TBCD: variants seen among roughly 807,000 people sequenced by gnomAD.
The protein encoded by TBCD is tubulin folding cofactor D, also known as tubulin-specific chaperone D.
A neutral mutation model predicts 169.3 loss-of-function variants in TBCD; 105 were observed. That is an observed-to-expected ratio of 0.62 (90% confidence interval 0.53 to 0.73). The LOEUF is 0.73. Ranked by LOEUF, TBCD falls within the 30% of genes least tolerant of loss-of-function variation. TBCD has a pLI of 0.00. For synonymous variants in TBCD, 700 were observed against 643.9 expected, an observed-to-expected ratio of 1.09 and a Z score of -1.32; for missense variants, 1,444 against 1,600.1, an observed-to-expected ratio of 0.90 and a Z score of 1.66.
rs2049573592 is a variant in TBCD, at chr17:82,789,829, C to T, written c.772-7928C>T. Among the ~76,000 whole-genome samples the T allele has an allele frequency of 6.6e-6, 1 of 152,220 alleles. No individual in the cohort carries two copies. Among genetic ancestry groups the T allele is most frequent in the Non-Finnish European group, 1.5e-5 (1 of 68,040 alleles). On this transcript the variant is annotated intron_variant, in intron 7 of 38. Transcript: ENST00000355528. The surrounding 1 kb of genome is among the most constrained non-coding windows in gnomAD (Gnocchi z 4.8). ...GTGTGACACTTCAGAACCCGCAAGT[C>T]CCAGGTCACACCTGTTGTACCATCA...
At chr17:82,762,327 A>AG (rs1379459780) in intron 2 of TBCD, among the ~76,000 whole-genome samples, 1 of 151,478 alleles carries the variant, frequency 6.6e-6, no homozygotes, top group Non-Finnish European at 1.5e-5. Flanking sequence ...AAAAAAAAAA[A>AG]AAAAAAAGTA....
At chr17:82,850,590 C>T (rs1185280591) in intron 13 of TBCD, among the ~76,000 whole-genome samples, 1 of 149,286 alleles carries the variant, frequency 6.7e-6, no homozygotes, top group East Asian at 2.0e-4. Context: ...GTTGGCTGTC[C>T]TGTTGTTGGC....
chr17:82,829,056 C>T (rs567579481), intron 13 of TBCD, among the ~76,000 whole-genome samples: 98 of 148,244 alleles, frequency 6.6e-4, no homozygotes, highest in South Asian at 1.5e-3. Context: ...ATCGAATGCG[C>T]ACACACCCAC....
intron 13 of TBCD, among the ~76,000 whole-genome samples, chr17:82,862,823 C>T (rs772437807): frequency 1.2e-4 from 18 of 152,186 alleles, no homozygotes; most frequent in East Asian, 3.9e-4. Flanking sequence ...GAAGTCCAGG[C>T]GGCCACCCCA....
chr17:82,874,935 GATCAGAGC>G lies in TBCD; in HGVS notation c.1475+4563_1475+4570del, dbSNP rs2057862347. 6.6e-6 allele frequency among the ~76,000 whole-genome samples: 1 copy of G among 152,200 alleles called. No homozygotes were observed. The highest frequency in any genetic ancestry group is 2.4e-5 in the African/African-American group (1 of 41,442). ...GGGTCCTGTAACAGTGGGTGCTTGG[GATCAGAGC>G]ATCAGAGTGGAATTTTCGCAGGGAA... On this transcript the variant is annotated intron_variant, in intron 14 of 38. Transcript: ENST00000355528. This position sits in a 1 kb window ranked among gnomAD's most constrained non-coding sequence, Gnocchi z 5.0.
chr17:82,763,742 A>G (rs939922130), intron 2 of TBCD, among the ~76,000 whole-genome samples: 6 of 151,832 alleles, frequency 4.0e-5, no homozygotes, highest in African/African-American at 1.5e-4. Context: ...CTCTGTCTCA[A>G]AAAAAAAGAA....
At chr17:82,872,159 C>T (rs1223052509) in intron 14 of TBCD, among the ~76,000 whole-genome samples, 1 of 152,240 alleles carries the variant, frequency 6.6e-6, no homozygotes, top group African/African-American at 2.4e-5. Context: ...GCCGAGGGTC[C>T]TCCTCCTATC....
rs1464757430 is a variant in TBCD, at chr17:82,937,429, G to A, written c.3281+69G>A. 8 of 1,393,534 alleles carry A rather than the reference G, an allele frequency of 5.7e-6. No individual in the cohort carries two copies. In the African/African-American group the frequency reaches 7.1e-5, roughly 12 times the overall value. The allele number at this position is 1,393,534 out of a possible 1,614,324, so 86.3% of individuals were successfully genotyped here. On this transcript the variant is annotated intron_variant, in intron 35 of 38. Coordinates refer to ENST00000355528, the MANE Select transcript of TBCD (RefSeq NM_005993.5). ...CAGCCTCCCTTGGCTGAGGGCAGGA[G>A]TCCACGGCTCCAGGCGGGAGAGGAG...
chr17:82,912,145 C>T (rs929872566), intron 23 of TBCD, among the ~76,000 whole-genome samples: 1 of 151,606 alleles, frequency 6.6e-6, no homozygotes, highest in African/African-American at 2.4e-5. Context: ...ACGGCCCCAG[C>T]GTGGACAGAG....
At chr17:82,793,767 T>A (rs544845978) in intron 7 of TBCD, among the ~76,000 whole-genome samples, 4 of 151,826 alleles carry the variant, frequency 2.6e-5, no homozygotes, top group Admixed American at 6.6e-5. Flanking sequence ...TGCCCAAGAG[T>A]GGCTTTGAAC....
chr17:82,900,842 A>G (rs564816292), intron 18 of TBCD, 111 bp downstream of exon 18: 1 of 801,706 alleles, frequency 1.2e-6, no homozygotes, highest in East Asian at 2.6e-5. Context: ...TCGTATTTTA[A>G]AATAACTTCT....
chr17:82,936,914 G>GTTCTGGGCTCTGCAGCAGCCCA (rs1219834399), intron 34 of TBCD, among the ~76,000 whole-genome samples: 5 of 152,252 alleles, frequency 3.3e-5, no homozygotes, highest in Admixed American at 2.6e-4. Context: ...CCCAGGCCAG[G>GTTCTGGGCTCTGCAGCAGCCCA]TAGCCTCTGG....
At chr17:82,934,039 C>T (rs1308510321) in intron 34 of TBCD, among the ~76,000 whole-genome samples, 1 of 152,260 alleles carries the variant, frequency 6.6e-6, no homozygotes, top group Non-Finnish European at 1.5e-5. Context: ...GCCGGGGCTT[C>T]TGGCCATCTT....
Position 82,921,572 on chromosome 17 carries a change from A to T in TBCD, c.2173A>T (p.Met725Leu). Residue 725 changes from methionine to leucine, a missense_variant, in exon 25 of 39, where the codon ATG becomes TTG. By Grantham distance (15) the Met-to-Leu change is conservative. Transcript: ENST00000355528. ...HLISSHSRQQ[M>L]KDAAVSALAA... Reference sequence around the variant, plus strand: ...CATCTCAAGTCACTCCCGCCAGCAGATGAAGGTACAGTGAGCATGGGCGTT... The same window carrying T: ...CATCTCAAGTCACTCCCGCCAGCAGTTGAAGGTACAGTGAGCATGGGCGTT... 6.2e-7 allele frequency: 1 copy of T among 1,614,014 alleles called. No homozygotes were observed. Among genetic ancestry groups the T allele is most frequent in the Non-Finnish European group, 8.5e-7 (1 of 1,179,890 alleles).
intron 17 of TBCD, among the ~76,000 whole-genome samples, chr17:82,894,035 A>G (rs2059319061): frequency 1.9e-5 from 1 of 51,902 alleles, no homozygotes; most frequent in Non-Finnish European, 3.7e-5. Flanking sequence ...TCCCTACTGG[A>G]TGTCCTAAAT....
rs1221424759 is a variant in TBCD, at chr17:82,833,130, G to A, written c.1318+18196G>A. Among the ~76,000 whole-genome samples, 3 of 152,074 alleles carry A rather than the reference G, an allele frequency of 2.0e-5. No individual in the cohort carries two copies. The highest frequency in any genetic ancestry group is 7.2e-5 in the African/African-American group (3 of 41,392). On this transcript the variant is annotated intron_variant, in intron 13 of 38. Transcript: ENST00000355528. This position sits in a 1 kb window ranked among gnomAD's most constrained non-coding sequence, Gnocchi z 4.7. ...TCGGCCACACTCTCACGTGAAATAC[G>A]AAGGGGTTTGTGGCTGTTTCCCCTT...
At position 82,930,383 on chromosome 17, in the gene TBCD, C is replaced by A; in HGVS notation, c.2992-139C>A. On this transcript the variant is annotated intron_variant, in intron 32 of 38. Transcript: ENST00000355528. This position sits in a 1 kb window ranked among gnomAD's most constrained non-coding sequence, Gnocchi z 5.2. Reference sequence around the variant, plus strand: ...GGCTCCGTGCTGGCGTCCGCACCAGCCGCTTGGGGCCAGACCTTCGCGTCT... The same window carrying A: ...GGCTCCGTGCTGGCGTCCGCACCAGACGCTTGGGGCCAGACCTTCGCGTCT... 1 of 1,310,736 alleles carries A rather than the reference C, an allele frequency of 7.6e-7. No individual in the cohort carries two copies. The highest frequency in any genetic ancestry group is 1.0e-6 in the Non-Finnish European group (1 of 982,302). 81.2% of individuals were successfully genotyped at this position (1,310,736 alleles called of 1,614,324 possible). A position where few individuals can be genotyped will look rare whatever the true frequency, so the allele number is the denominator to read the frequency against.
rs745436453 is a variant in TBCD, at chr17:82,830,493, G to A, written c.1318+15559G>A. 3.7e-6 allele frequency: 6 copies of A among 1,613,318 alleles called. No individual in the cohort carries two copies. The African/African-American group carries it at 5.3e-5, about 14-fold the overall frequency. ...CGCCGGGGCCTGTGGGTGGGGCCCCGTCACCGTCGAGGCTGCCTGGCTTGG... is the reference window on the plus strand; with the variant it reads ...CGCCGGGGCCTGTGGGTGGGGCCCCATCACCGTCGAGGCTGCCTGGCTTGG... On this transcript the variant is annotated intron_variant, in intron 13 of 38. Transcript: ENST00000355528.
intron 13 of TBCD, among the ~76,000 whole-genome samples, chr17:82,837,495 C>T (rs958639219): frequency 1.3e-5 from 2 of 152,196 alleles, no homozygotes; most frequent in African/African-American, 2.4e-5. Flanking sequence ...TCTTTCTCTC[C>T]TGGGGGAGGT....
Sources: gnomAD v4.1 joint callset for allele counts (sites outside exome capture counted in the v4.1 genomes callset) on GRCh38, gnomAD v4.1.1 for gene constraint, Gnocchi (gnomAD v3.1) non-coding constraint, MANE v1.5 for transcripts, NCBI Gene and HGNC (gene_info 2026-07-23, HGNC 2026-07-21) for gene names.